Variants in SPATA22 observed in about 807,000 individuals in gnomAD.
SPATA22 encodes spermatogenesis associated 22.
Under a neutral mutation model 47.8 loss-of-function variants are expected in SPATA22, and 29 were observed. That is an observed-to-expected ratio of 0.61 (90% CI 0.45 to 0.83). The LOEUF (loss-of-function observed/expected upper bound fraction) is 0.83, where lower values mean the gene tolerates loss of function less well. SPATA22 is among the 40% of genes least tolerant of loss of function. The pLI is 0.00. For missense variants in SPATA22, 410 were observed against 421.7 expected (o/e 0.97, Z 0.24); for synonymous variants, 133 against 140.9 (o/e 0.94, Z 0.40).
chr17:3,489,809 A>G (rs1431468257), intron 1 of SPATA22, among the ~76,000 whole-genome samples: 1 of 152,238 alleles, frequency 6.6e-6, no homozygotes, highest in Non-Finnish European at 1.5e-5. Flanking sequence ...ATAATCTTAC[A>G]GCATCCACTT....
intron 5 of SPATA22, among the ~76,000 whole-genome samples, chr17:3,451,691 G>C (rs1382192152): frequency 6.6e-6 from 1 of 152,172 alleles, no homozygotes; most frequent in Non-Finnish European, 1.5e-5. Context: ...GCTTACGTCT[G>C]TAATCCCAGC....
intron 3 of SPATA22, among the ~76,000 whole-genome samples, chr17:3,466,749 C>A (rs1264632605): frequency 6.6e-6 from 1 of 152,164 alleles, no homozygotes; most frequent in Non-Finnish European, 1.5e-5. Context: ...CTTACTGTGT[C>A]CTCACATGAC....
At chr17:3,442,844 T>C (rs967857692) in intron 8 of SPATA22, among the ~76,000 whole-genome samples, 1 of 151,958 alleles carries the variant, frequency 6.6e-6, no homozygotes, top group African/African-American at 2.4e-5. Context: ...TCTTACCTAC[T>C]TCTCTAGCAC....
At chr17:3,453,441 A>G (rs894328636) in intron 5 of SPATA22, among the ~76,000 whole-genome samples, 1 of 152,228 alleles carries the variant, frequency 6.6e-6, no homozygotes, top group Non-Finnish European at 1.5e-5. Flanking sequence ...AGCATCTGAC[A>G]AAGTTCAACA....
chr17:3,510,286 C>T (rs8068833), intron 1 of SPATA22, among the ~76,000 whole-genome samples: 144,137 of 152,270 alleles, frequency 0.95, 68,712 homozygotes, highest in East Asian at 1. Flanking sequence ...CTGAGTGGTT[C>T]GAATTGACTA....
upstream of SPATA22, chr17:3,476,291 A>G: frequency 1.9e-6 from 3 of 1,614,218 alleles, no homozygotes; most frequent in Admixed American, 1.7e-5. Flanking sequence ...TTCAGAGAAC[A>G]GGGCTGGAGG....
intron 1 of SPATA22, among the ~76,000 whole-genome samples, chr17:3,509,309 C>T (rs937802232): frequency 6.6e-6 from 1 of 151,974 alleles, no homozygotes; most frequent in Non-Finnish European, 1.5e-5. Context: ...TCTAAGTTCC[C>T]TCCCCTCACC....
At chr17:3,465,257 C>T (rs1290243642) in intron 3 of SPATA22, among the ~76,000 whole-genome samples, 1 of 104,754 alleles carries the variant, frequency 9.5e-6, no homozygotes, top group South Asian at 3.2e-4. Flanking sequence ...TCTGCCCGGC[C>T]ACCACCCCGT....
At position 3,488,753 on chromosome 17, in the gene SPATA22, T is replaced by C. The variant is rs913156201; in HGVS notation, c.-73-19355A>G. Among the ~76,000 whole-genome samples, 1 of 152,340 alleles carries C rather than the reference T, an allele frequency of 6.6e-6. No homozygotes were observed. ...CATTGCTCAAGGGTCACATAGATTG[T>C]CATATTGACTGAAATCCATGATTCA... On this transcript the variant is annotated intron_variant, in intron 1 of 8. Transcript: ENST00000541913. The surrounding 1 kb of genome is among the most constrained non-coding windows in gnomAD (Gnocchi z 6.1).
intron 2 of SPATA22, among the ~76,000 whole-genome samples, chr17:3,467,900 C>CT (rs1335054845): frequency 5.9e-5 from 9 of 152,084 alleles, no homozygotes; most frequent in Admixed American, 5.9e-4. Context: ...TGCAGGGGAC[C>CT]TTTGAAGTAC....
intron 3 of SPATA22, among the ~76,000 whole-genome samples, chr17:3,463,730 T>G (rs2073186937): frequency 6.6e-6 from 1 of 152,170 alleles, no homozygotes; most frequent in Admixed American, 6.5e-5. Flanking sequence ...ATGTTTCAGC[T>G]CCATTATATT....
At chr17:3,471,461 T>C (rs2073432720) in intron 1 of SPATA22, 1 of 985,394 alleles carries the variant, frequency 1.0e-6, no homozygotes. Context: ...TGGACCTAAG[T>C]GGCGTTAGTA....
intron 1 of SPATA22, among the ~76,000 whole-genome samples, chr17:3,504,812 G>A (rs1271965117): frequency 1.3e-5 from 2 of 152,210 alleles, no homozygotes; most frequent in East Asian, 1.9e-4. Context: ...ACCCACCTCG[G>A]CCTCCAAGAG....
chr17:3,509,808 C>A (rs2074088193), intron 1 of SPATA22, among the ~76,000 whole-genome samples: 1 of 148,440 alleles, frequency 6.7e-6, no homozygotes, highest in Admixed American at 6.8e-5. Context: ...CCTATTTCTC[C>A]ACAGCCTCTC....
intron 1 of SPATA22, among the ~76,000 whole-genome samples, chr17:3,476,957 C>G (rs1016323182): frequency 2.0e-5 from 3 of 152,166 alleles, no homozygotes; most frequent in African/African-American, 7.2e-5. Context: ...AGATCGAGAC[C>G]ATCCTGGCTA....
intron 7 of SPATA22, among the ~76,000 whole-genome samples, chr17:3,444,669 C>G (rs982532492): frequency 3.3e-5 from 5 of 151,972 alleles, no homozygotes; most frequent in Non-Finnish European, 7.4e-5. Context: ...AGAAACCTAG[C>G]CACTTTTCAG....
intron 1 of SPATA22, chr17:3,512,115 A>C (rs1338539256): frequency 6.6e-6 from 1 of 152,240 alleles, no homozygotes; most frequent in African/African-American, 2.4e-5. Context: ...CATCTGGAGC[A>C]GTTGCTGGAT....
intron 3 of SPATA22, among the ~76,000 whole-genome samples, chr17:3,464,286 A>G (rs1208503023): frequency 6.6e-6 from 1 of 150,916 alleles, no homozygotes; most frequent in Non-Finnish European, 1.5e-5. Context: ...TCAGTGCTCA[A>G]TGGTGCCCAG....
upstream of SPATA22, chr17:3,474,076 G>C (rs1333384037): frequency 1.3e-5 from 2 of 152,166 alleles, no homozygotes; most frequent in East Asian, 3.8e-4. Context: ...CTTGGTATAA[G>C]AGTATGAAAA....
Sources: gnomAD v4.1 joint callset for allele counts (sites outside exome capture counted in the v4.1 genomes callset) on GRCh38, gnomAD v4.1.1 for gene constraint, Gnocchi (gnomAD v3.1) non-coding constraint, MANE v1.5 for transcripts, NCBI Gene and HGNC (gene_info 2026-07-23, HGNC 2026-07-21) for gene names.